DNAH17: variants seen among roughly 807,000 people sequenced by gnomAD.
The protein encoded by DNAH17 is axonemal beta dynein heavy chain 17.
DNAH17 carries 376 observed loss-of-function variants against 485.6 expected under a neutral mutation model. That is an observed-to-expected ratio of 0.77 (90% CI 0.71 to 0.84). DNAH17 has a LOEUF of 0.84. Among genes scored for constraint, DNAH17 ranks in the 40% least tolerant of loss-of-function variants. DNAH17 has a pLI of 0.00. For missense variants in DNAH17, 6,370 were observed against 5,839.3 expected, an observed-to-expected ratio of 1.09 and a Z score of -2.96; for synonymous variants, 3,031 against 2,405.9, an observed-to-expected ratio of 1.26 and a Z score of -7.60.
At chr17:78,474,651 G>A (rs898564361) in intron 54 of DNAH17, among the ~76,000 whole-genome samples, 3 of 148,260 alleles carry the variant, frequency 2.0e-5, no homozygotes, top group East Asian at 2.0e-4. Flanking sequence ...TGTGTCCATC[G>A]AGTAGTTGAC....
intron 9 of DNAH17, among the ~76,000 whole-genome samples, chr17:78,568,732 T>A (rs1013497883): frequency 6.6e-6 from 1 of 152,208 alleles, no homozygotes; most frequent in Non-Finnish European, 1.5e-5. Context: ...ATTACAGGTG[T>A]GAGCCACTGG....
At chr17:78,427,277 TGAG>T (rs1304284281) in intron 77 of DNAH17, 169 bp from the exon 78 acceptor site, 1 of 659,064 alleles carries the variant, frequency 1.5e-6, no homozygotes, top group African/African-American at 1.8e-5. Flanking sequence ...ACACATTTGA[TGAG>T]GAGAGGGAGC....
intron 16 of DNAH17, among the ~76,000 whole-genome samples, chr17:78,544,731 G>A (rs1277293076): frequency 1.4e-5 from 2 of 143,598 alleles, no homozygotes; most frequent in Admixed American, 1.5e-4. Flanking sequence ...AACCCGGGAG[G>A]CAGAGCTTGC....
rs964097984 is a variant in DNAH17 at position 78,543,779 on chromosome 17, T to C, written c.2532+78A>G. ...TGTGTCACTAATCATTTTTATGAAA[T>C]CTCCAGCCCTGGGTTTACTCTCTCC... is the stretch of plus-strand genomic sequence containing the variant. On this transcript the variant is annotated intron_variant, in intron 17 of 80. Coordinates refer to ENST00000389840, the MANE Select transcript of DNAH17 (RefSeq NM_173628.4). 6 of 1,597,786 alleles carry C rather than the reference T, an allele frequency of 3.8e-6. No individual in the cohort carries two copies. The African/African-American group carries it at 8.0e-5, about 21-fold the overall frequency.
At chr17:78,535,196 C>T (rs1165547569) in intron 19 of DNAH17, among the ~76,000 whole-genome samples, 1 of 152,188 alleles carries the variant, frequency 6.6e-6, no homozygotes, top group Non-Finnish European at 1.5e-5. Context: ...CAAGAGCAGC[C>T]TGCTTTGGGG....
Position 78,571,786 on chromosome 17 carries a change from C to T in DNAH17, c.540-4G>A. ...GTTGTCCAGTGAAGAGGGGATCCTG[C>T]CCAGTGGAAGGTTGGGGCATTGCTC... On this transcript the variant is annotated splice_region_variant and splice_polypyrimidine_tract_variant and intron_variant, in intron 3 of 80. Coordinates refer to ENST00000389840, the MANE Select transcript of DNAH17 (RefSeq NM_173628.4). 6.4e-7 allele frequency: 1 copy of T among 1,573,046 alleles called. No homozygotes were observed. The highest frequency in any genetic ancestry group is 8.6e-7 in the Non-Finnish European group (1 of 1,158,544).
At chr17:78,440,013 G>A (rs1013303366) in intron 72 of DNAH17, among the ~76,000 whole-genome samples, 1 of 151,536 alleles carries the variant, frequency 6.6e-6, no homozygotes, top group African/African-American at 2.4e-5. Context: ...CACCTAGCCT[G>A]AACTCCACTC....
In DNAH17 at chr17:78,522,019, G is replaced by A. The variant is rs532269631; in HGVS notation, c.3864+2990C>T. 2.2e-4 allele frequency among the ~76,000 whole-genome samples: 34 copies of A among 152,278 alleles called. 1 individual carries two copies. The South Asian group carries it at 6.4e-3, about 29-fold the overall frequency. On this transcript the variant is annotated intron_variant, in intron 25 of 80. Transcript: ENST00000389840. ...AATTATACTAAAACTCTTGCTCAGCGAAATACCCTGTTAAGAGAATGAAAA... is the reference window on the plus strand; with the variant it reads ...AATTATACTAAAACTCTTGCTCAGCAAAATACCCTGTTAAGAGAATGAAAA...
chr17:78,538,471 T>G (rs917910816), intron 18 of DNAH17, among the ~76,000 whole-genome samples: 3 of 152,216 alleles, frequency 2.0e-5, no homozygotes, highest in African/African-American at 7.2e-5. Context: ...GAGTCCCCAT[T>G]GGACCTGTGG....
chr17:78,493,297 T>G (rs942890113), intron 41 of DNAH17: 1 of 156,824 alleles, frequency 6.4e-6, no homozygotes, highest in Non-Finnish European at 1.4e-5. Flanking sequence ...TGTGCGTGTC[T>G]GCAGCCCGCA....
chr17:78,569,760 A>AGGCC (rs2092323447), intron 7 of DNAH17, among the ~76,000 whole-genome samples: 1 of 152,146 alleles, frequency 6.6e-6, no homozygotes, highest in South Asian at 2.1e-4. Flanking sequence ...AGATGATGAG[A>AGGCC]GGCCCTCCAG....
In DNAH17 at chr17:78,486,135, T is replaced by C; in HGVS notation, c.7102-2A>G. On this transcript the variant is annotated splice_acceptor_variant, in intron 45 of 80. Coordinates refer to ENST00000389840, the MANE Select transcript of DNAH17 (RefSeq NM_173628.4). LOFTEE classifies it high-confidence loss of function. ...GAACTCCACTCGATAATCCACAAGCTGTTGAGACACAGAAGTAAAAATCAG... is the reference window on the plus strand; with the variant it reads ...GAACTCCACTCGATAATCCACAAGCCGTTGAGACACAGAAGTAAAAATCAG... The C allele has an allele frequency of 1.2e-6, 2 of 1,612,556 alleles. No individual in the cohort carries two copies. Among genetic ancestry groups the C allele is most frequent in the Non-Finnish European group, 8.5e-7 (1 of 1,179,046 alleles).
intron 29 of DNAH17, 38 bp from the exon 30 acceptor site, chr17:78,506,884 C>G (rs779213386): frequency 1.2e-6 from 2 of 1,612,844 alleles, no homozygotes; most frequent in Non-Finnish European, 1.7e-6. Flanking sequence ...GCCGGTGACC[C>G]TACTCTGTAG....
chr17:78,563,723 G>A (rs1275333285), intron 11 of DNAH17, among the ~76,000 whole-genome samples: 2 of 152,218 alleles, frequency 1.3e-5, no homozygotes, highest in East Asian at 3.9e-4. Context: ...CTGTGTGCGA[G>A]TTGCTGATAA....
At chr17:78,548,455 C>T (rs973587819) in intron 16 of DNAH17, among the ~76,000 whole-genome samples, 34 of 152,052 alleles carry the variant, frequency 2.2e-4, no homozygotes, top group Admixed American at 9.8e-4. Flanking sequence ...CCACCCGCCT[C>T]GGCCTCCCAA....
chr17:78,500,355 G>A lies in DNAH17; in HGVS notation c.5590C>T (p.Leu1864=), dbSNP rs1361172886. Residue 1864 remains leucine, a synonymous_variant, in exon 36 of 81, where the codon CTG becomes TTG. Transcript: ENST00000389840. ...TTGAAGACGTAGACCATGGTGCCCA[G>A]GGCTCTGCCCAGGTCCTTGGTCGTC... ...TETTKDLGRA[L]GTMVYVFNCS... The A allele has an allele frequency of 1.2e-6, 2 of 1,612,712 alleles. No individual in the cohort carries two copies. Among genetic ancestry groups the A allele is most frequent in the East Asian group, 2.2e-5 (1 of 44,836 alleles).
At chr17:78,515,685 C>T (rs926979042) in intron 25 of DNAH17, among the ~76,000 whole-genome samples, 11 of 152,356 alleles carry the variant, frequency 7.2e-5, no homozygotes, top group African/African-American at 2.2e-4. Flanking sequence ...GCTTGGCATT[C>T]CCCTTGCCTG....
chr17:78,529,385 G>A, intron 22 of DNAH17, 87 bp downstream of exon 22: 1 of 1,279,654 alleles, frequency 7.8e-7, no homozygotes, highest in Non-Finnish European at 1.1e-6. Flanking sequence ...CATCCCCCAT[G>A]GTTGCGTTTG....
intron 25 of DNAH17, among the ~76,000 whole-genome samples, chr17:78,523,975 A>G (rs1347435533): frequency 6.6e-6 from 1 of 152,234 alleles, no homozygotes; most frequent in African/African-American, 2.4e-5. Context: ...AGGAAATACA[A>G]ATGAAACCAC....
Sources: gnomAD v4.1 joint callset for allele counts (sites outside exome capture counted in the v4.1 genomes callset) on GRCh38, gnomAD v4.1.1 for gene constraint, MANE v1.5 for transcripts, NCBI Gene and HGNC (gene_info 2026-07-23, HGNC 2026-07-21) for gene names.